NPAS3: variants seen among roughly 807,000 people sequenced by gnomAD.
NPAS3 encodes the protein neuronal PAS domain-containing protein 3.
Under a neutral mutation model 73.1 loss-of-function variants are expected in NPAS3, and 14 were observed. That is an observed-to-expected ratio of 0.19 (90% CI 0.13 to 0.30). NPAS3 has a LOEUF of 0.30. Among genes scored for constraint, NPAS3 ranks in the 10% least tolerant of loss-of-function variants. The pLI, the probability that NPAS3 is intolerant of heterozygous loss-of-function variation, is 1.00. For synonymous variants in NPAS3, 620 were observed against 541.5 expected (o/e 1.14, Z -2.01); for missense variants, 1,096 against 1,250.0 (o/e 0.88, Z 1.86).
At chr14:33,476,839 T>G (rs971290917) in intron 4 of NPAS3, among the ~76,000 whole-genome samples, 1 of 152,114 alleles carries the variant, frequency 6.6e-6, no homozygotes, top group Non-Finnish European at 1.5e-5. Context: ...TTGTATTGCT[T>G]TAGTCATTTT....
chr14:33,730,644 G>A (rs1032665203), intron 6 of NPAS3, among the ~76,000 whole-genome samples: 9 of 152,278 alleles, frequency 5.9e-5, no homozygotes, highest in South Asian at 4.2e-4. Flanking sequence ...CCCTAACTCC[G>A]TGTGGCTGAG....
chr14:33,722,319 T>C (rs72664544), intron 6 of NPAS3, among the ~76,000 whole-genome samples: 32,174 of 152,116 alleles, frequency 0.21, 4,008 homozygotes, highest in Admixed American at 0.39. Flanking sequence ...ATTTTCCCCA[T>C]CACCATCAGC....
At position 33,188,372 on chromosome 14, in the gene NPAS3, G is replaced by T. The variant is rs187707910; in HGVS notation, c.141-26810G>T. Among the ~76,000 whole-genome samples the T allele has an allele frequency of 3.3e-3, 501 of 152,122 alleles. 1 individual carries two copies. The highest frequency in any genetic ancestry group is 0.011 in the African/African-American group (477 of 41,498). ...CTGACCTGGGTAATAAGTGTTTTTT[G>T]AATGAATAAATGAATGCTTGAATGA... is the stretch of plus-strand genomic sequence containing the variant. On this transcript the variant is annotated intron_variant, in intron 2 of 11. Transcript: ENST00000356141.
chr14:33,249,762 T>A (rs2048513808), intron 3 of NPAS3, among the ~76,000 whole-genome samples: 1 of 152,116 alleles, frequency 6.6e-6, no homozygotes, highest in African/African-American at 2.4e-5. Context: ...GATCTCACAG[T>A]TCACAAGTGA....
chr14:33,625,451 C>A (rs7150033), intron 5 of NPAS3, among the ~76,000 whole-genome samples: 31,253 of 152,110 alleles, frequency 0.21, 4,945 homozygotes, highest in African/African-American at 0.45. Context: ...CCTTTGAAGA[C>A]GCTGCAGGAG....
intron 4 of NPAS3, among the ~76,000 whole-genome samples, chr14:33,405,518 A>G (rs1263663078): frequency 6.6e-6 from 1 of 152,094 alleles, no homozygotes; most frequent in African/African-American, 2.4e-5. Flanking sequence ...ACAGTGAGGA[A>G]CTTGACCAGG....
At chr14:33,389,939 A>G (rs1186061926) in intron 4 of NPAS3, among the ~76,000 whole-genome samples, 4 of 152,148 alleles carry the variant, frequency 2.6e-5, no homozygotes, top group Non-Finnish European at 5.9e-5. Context: ...TCTGATAGTG[A>G]CATACTGTAC....
chr14:33,474,118 A>G (rs2050911823), intron 4 of NPAS3, among the ~76,000 whole-genome samples: 1 of 152,166 alleles, frequency 6.6e-6, no homozygotes, highest in Admixed American at 6.6e-5. Context: ...ATGAGGATCA[A>G]TGCAGGGTAT....
Position 33,564,551 on chromosome 14 carries a change from C to T in NPAS3, c.558+4341C>T, listed in dbSNP as rs138683422. ...ATGTTCTGTTCCCGCATCCAGGCCT[C>T]ACAATAGCATTGGCTAGTTTGGTGG... On this transcript the variant is annotated intron_variant, in intron 5 of 11. Transcript: ENST00000356141. Among the ~76,000 whole-genome samples, 186 of 152,332 alleles carry T rather than the reference C, an allele frequency of 1.2e-3. 2 individuals are homozygous for T. Among genetic ancestry groups the T allele is most frequent in the African/African-American group, 4.1e-3 (172 of 41,588 alleles).
intron 2 of NPAS3, among the ~76,000 whole-genome samples, chr14:33,120,684 T>C (rs1482075125): frequency 2.0e-5 from 3 of 152,104 alleles, no homozygotes; most frequent in Non-Finnish European, 4.4e-5. Context: ...TCAGCTCTCC[T>C]CCTTCTCAAG....
intron 5 of NPAS3, among the ~76,000 whole-genome samples, chr14:33,561,458 G>A (rs1245528845): frequency 6.6e-6 from 1 of 152,348 alleles, no homozygotes; most frequent in South Asian, 2.1e-4. Flanking sequence ...CTCAGCTATA[G>A]TGTGTGGAGT....
chr14:33,483,015 T>C (rs2051403316), intron 4 of NPAS3, among the ~76,000 whole-genome samples: 1 of 152,186 alleles, frequency 6.6e-6, no homozygotes, highest in Admixed American at 6.5e-5. Flanking sequence ...ATGACAGTGT[T>C]TGTTTTGTGA....
chr14:33,188,527 G>A (rs1299140613), intron 2 of NPAS3, among the ~76,000 whole-genome samples: 1 of 152,140 alleles, frequency 6.6e-6, no homozygotes, highest in African/African-American at 2.4e-5. Context: ...TTGTGTAATT[G>A]TCTTTTATTT....
At chr14:33,133,882 T>C (rs112364744) in intron 2 of NPAS3, among the ~76,000 whole-genome samples, 4 of 152,284 alleles carry the variant, frequency 2.6e-5, no homozygotes, top group African/African-American at 9.6e-5. Flanking sequence ...ATTTCTTGGA[T>C]TGTGGTCCAA....
At chr14:33,376,328 A>C (rs1190470732) in intron 4 of NPAS3, among the ~76,000 whole-genome samples, 1 of 152,286 alleles carries the variant, frequency 6.6e-6, no homozygotes, top group East Asian at 1.9e-4. Context: ...TTAACTCATT[A>C]TATATAAAAA....
At chr14:33,791,785 G>A (rs923503315) in intron 9 of NPAS3, among the ~76,000 whole-genome samples, 1 of 152,146 alleles carries the variant, frequency 6.6e-6, no homozygotes, top group Non-Finnish European at 1.5e-5. Context: ...TCAAATTCTA[G>A]TCTAGAACTC....
chr14:32,938,906 T>A (rs904303279), upstream of NPAS3, among the ~76,000 whole-genome samples: 91 of 142,300 alleles, frequency 6.4e-4, no homozygotes, highest in Non-Finnish European at 1.2e-3. Flanking sequence ...GCGCCGGGCA[T>A]GCCTCGGGAG....
chr14:33,612,751 C>T (rs368204920), intron 5 of NPAS3, among the ~76,000 whole-genome samples: 14 of 152,128 alleles, frequency 9.2e-5, no homozygotes, highest in Non-Finnish European at 1.5e-4. Flanking sequence ...ACCTCCCTCC[C>T]GTAAACTGGT....
At chr14:33,012,055 C>G (rs1443505832) in intron 1 of NPAS3, among the ~76,000 whole-genome samples, 1 of 147,524 alleles carries the variant, frequency 6.8e-6, no homozygotes, top group African/African-American at 2.5e-5. Context: ...TGGTGCTGCT[C>G]AGGTTGAGTA....
Sources: allele counts gnomAD v4.1 joint callset (sites outside exome capture counted in the v4.1 genomes callset), GRCh38; gene constraint gnomAD v4.1.1; transcripts MANE v1.5; gene names NCBI Gene and HGNC (gene_info 2026-07-23, HGNC 2026-07-21).